Variants in VPS37A observed in about 807,000 individuals in gnomAD.
The protein encoded by VPS37A is VPS37A subunit of ESCRT-I.
Under a neutral mutation model 49.8 loss-of-function variants are expected in VPS37A, and 30 were observed. The ratio of observed to expected loss-of-function variants is 0.60; its 90% CI spans 0.45 to 0.82. VPS37A has a LOEUF of 0.82. Among genes scored for constraint, VPS37A ranks in the 40% least tolerant of loss-of-function variants. The pLI is 0.00. For synonymous variants in VPS37A, 195 were observed against 160.6 expected (o/e 1.21, Z -1.62); for missense variants, 593 against 464.4 (o/e 1.28, Z -2.55).
At chr8:17,299,942 G>T (rs759133119), downstream of VPS37A, 5 of 1,614,102 alleles carry the variant, frequency 3.1e-6, no homozygotes, top group Non-Finnish European at 4.2e-6. Flanking sequence ...CCACCACTTG[G>T]AGACCGACAG....
At chr8:17,328,370 A>G in the VPS37A span, among the ~76,000 whole-genome samples, 1 of 152,184 alleles carries the variant, frequency 6.6e-6, no homozygotes, top group Non-Finnish European at 1.5e-5. Flanking sequence ...GCTGATAATA[A>G]TAGGCTGGCC....
intron 10 of VPS37A, among the ~76,000 whole-genome samples, chr8:17,285,799 G>A (rs775111241): frequency 1.4e-4 from 21 of 152,074 alleles, no homozygotes; most frequent in South Asian, 6.2e-4. Flanking sequence ...CAGAATTTAC[G>A]TCCATTTTTT....
the VPS37A span, among the ~76,000 whole-genome samples, chr8:17,312,091 A>G: frequency 6.6e-6 from 1 of 152,234 alleles, no homozygotes; most frequent in Non-Finnish European, 1.5e-5. Flanking sequence ...TGTAAGGTTG[A>G]GGAAAGGAAA....
chr8:17,275,017 C>G, intron 5 of VPS37A, 59 bp downstream of exon 5: 7 of 1,459,758 alleles, frequency 4.8e-6, no homozygotes, highest in Non-Finnish European at 6.7e-6. Flanking sequence ...AATCCACACA[C>G]CTTTATTACA....
downstream of VPS37A, chr8:17,298,956 A>C (rs904524648): frequency 8.5e-5 from 13 of 152,206 alleles, no homozygotes; most frequent in African/African-American, 3.1e-4. Context: ...AGACATGACA[A>C]CCCAATTCTC....
In VPS37A at chr8:17,280,371, T is replaced by G. The variant is rs1320720356; in HGVS notation, c.901-4T>G. The G allele has an allele frequency of 6.2e-7, 1 of 1,604,302 alleles. No homozygotes were observed. On this transcript the variant is annotated splice_polypyrimidine_tract_variant and splice_region_variant and intron_variant, in intron 8 of 11. Coordinates refer to ENST00000324849, the MANE Select transcript of VPS37A (RefSeq NM_152415.3). ...TAAAACAACCTTTTCATTTTCTCTT[T>G]TAGTATGAATTACTTACACAGATGA...
intron 11 of VPS37A, among the ~76,000 whole-genome samples, chr8:17,287,713 C>T (rs917288070): frequency 2.0e-5 from 3 of 152,058 alleles, no homozygotes; most frequent in African/African-American, 4.8e-5. Context: ...ACTAGCCCTT[C>T]ACGTATTCCT....
At chr8:17,253,786 A>C (rs1408863476) in intron 1 of VPS37A, among the ~76,000 whole-genome samples, 1 of 152,232 alleles carries the variant, frequency 6.6e-6, no homozygotes, top group Non-Finnish European at 1.5e-5. Context: ...TAAGTGCTCC[A>C]TGTTAACACA....
At chr8:17,317,068 C>T in the VPS37A span, among the ~76,000 whole-genome samples, 2 of 152,112 alleles carry the variant, frequency 1.3e-5, no homozygotes, top group Non-Finnish European at 2.9e-5. Context: ...ATATTAATGG[C>T]AGTTTTTGTT....
chr8:17,307,814 A>G, the VPS37A span, among the ~76,000 whole-genome samples: 4 of 151,630 alleles, frequency 2.6e-5, no homozygotes, highest in Non-Finnish European at 5.9e-5. Context: ...ACATGTTCTC[A>G]CTCATAGGTG....
chr8:17,256,615 C>T (rs1812486153), intron 1 of VPS37A, among the ~76,000 whole-genome samples: 1 of 146,454 alleles, frequency 6.8e-6, no homozygotes, highest in Admixed American at 6.8e-5. Context: ...GTTGATTGTT[C>T]CTTCGCTGTG....
intron 1 of VPS37A, among the ~76,000 whole-genome samples, chr8:17,261,352 C>T (rs991721540): frequency 4.6e-5 from 7 of 152,240 alleles, no homozygotes; most frequent in African/African-American, 1.7e-4. Context: ...TGTTAAATTT[C>T]TCTGATAAAT....
intron 11 of VPS37A, among the ~76,000 whole-genome samples, chr8:17,294,627 G>C (rs1207660107): frequency 2.0e-5 from 3 of 152,206 alleles, no homozygotes; most frequent in Admixed American, 6.5e-5. Flanking sequence ...CGTGGAAAAA[G>C]CGTAGTTTCT....
chr8:17,270,191 T>C (rs1296970971), intron 4 of VPS37A, among the ~76,000 whole-genome samples: 2 of 152,030 alleles, frequency 1.3e-5, no homozygotes, highest in African/African-American at 2.4e-5. Context: ...ACCTCCAACA[T>C]TGGGGATTGC....
chr8:17,256,395 A>G (rs1039157663), intron 1 of VPS37A, among the ~76,000 whole-genome samples: 2 of 137,366 alleles, frequency 1.5e-5, no homozygotes, highest in Admixed American at 1.7e-4. Flanking sequence ...TCAGTCTTGC[A>G]CGTAACTGGG....
chr8:17,322,950 C>CTTTTTTTTTTTTTTTTTTTT, the VPS37A span, among the ~76,000 whole-genome samples: 1 of 125,776 alleles, frequency 8.0e-6, no homozygotes. Flanking sequence ...ATTGAATTAT[C>CTTTTTTTTTTTTTTTTTTTT]TTTTTTTTTT....
chr8:17,285,266 A>G (rs1049917826), intron 10 of VPS37A, among the ~76,000 whole-genome samples: 2 of 152,208 alleles, frequency 1.3e-5, no homozygotes, highest in Non-Finnish European at 1.5e-5. Flanking sequence ...AAATGGTAGT[A>G]TCTGTATCAT....
At chr8:17,273,407 C>T (rs1814196532) in intron 4 of VPS37A, among the ~76,000 whole-genome samples, 1 of 152,172 alleles carries the variant, frequency 6.6e-6, no homozygotes, top group African/African-American at 2.4e-5. Context: ...CCCTATTTTC[C>T]CCAGGCTGGA....
chr8:17,325,960 A>C, the VPS37A span, among the ~76,000 whole-genome samples: 1 of 152,152 alleles, frequency 6.6e-6, no homozygotes, highest in South Asian at 2.1e-4. Flanking sequence ...CCCACCTTAC[A>C]CTGGAAAGCA....
Sources: allele counts gnomAD v4.1 joint callset (sites outside exome capture counted in the v4.1 genomes callset), GRCh38; gene constraint gnomAD v4.1.1; transcripts MANE v1.5; gene names NCBI Gene and HGNC (gene_info 2026-07-23, HGNC 2026-07-21).